The following MATCAP1 variants were observed in gnomAD, a reference collection of about 807,000 sequenced individuals.
The protein encoded by MATCAP1 is microtubule-associated tyrosine carboxypeptidase 1.
At chr16:67,175,763 G>GA in the MATCAP1 span, 1 of 152,244 alleles carries the variant, frequency 6.6e-6, no homozygotes, top group Admixed American at 6.5e-5. Context: ...TTACAGATGG[G>GA]AAAACTAAGG....
the MATCAP1 span, among the ~76,000 whole-genome samples, chr16:67,182,079 C>T: frequency 6.6e-5 from 10 of 152,166 alleles, no homozygotes; most frequent in Admixed American, 1.3e-4. Flanking sequence ...GGAGAAACCC[C>T]GTCTCTACTA....
the MATCAP1 span, chr16:67,180,456 G>T: frequency 1.9e-6 from 3 of 1,607,646 alleles, no homozygotes; most frequent in African/African-American, 4.0e-5. Context: ...TGGGGGGACT[G>T]CCAGAGCCAG....
the MATCAP1 span, chr16:67,180,337 G>A: frequency 6.8e-6 from 11 of 1,612,306 alleles, no homozygotes; most frequent in African/African-American, 2.7e-5. Context: ...CCACGCCCCC[G>A]CCGGCCAGTA....
At chr16:67,176,953 T>G in the MATCAP1 span, 1 of 1,584,510 alleles carries the variant, frequency 6.3e-7, no homozygotes, top group Non-Finnish European at 8.6e-7. The surrounding 1 kb of genome is among the most constrained non-coding windows in gnomAD (Gnocchi z 4.3). Flanking sequence ...GGGCCGCAGG[T>G]GGTCCACATC....
At chr16:67,178,085 C>T in the MATCAP1 span, 3 of 1,613,828 alleles carry the variant, frequency 1.9e-6, no homozygotes, top group African/African-American at 2.7e-5. Flanking sequence ...CGTCCAGGTA[C>T]ACCTGGTCCT....
At chr16:67,182,545 G>A in the MATCAP1 span, among the ~76,000 whole-genome samples, 1 of 152,234 alleles carries the variant, frequency 6.6e-6, no homozygotes, top group Non-Finnish European at 1.5e-5. Flanking sequence ...TATTTGCCCA[G>A]GCTGGTCTTG....
the MATCAP1 span, chr16:67,179,183 T>C: frequency 1.5e-6 from 2 of 1,324,260 alleles, no homozygotes; most frequent in African/African-American, 3.0e-5. This position sits in a 1 kb window ranked among gnomAD's most constrained non-coding sequence, Gnocchi z 5.2. Context: ...GGAGAGGAAG[T>C]GGAGAGAGAA....
chr16:67,182,797 A>G, the MATCAP1 span, among the ~76,000 whole-genome samples: 1 of 152,198 alleles, frequency 6.6e-6, no homozygotes, highest in Non-Finnish European at 1.5e-5. Flanking sequence ...CACACCCTCA[A>G]TAAAATAGTA....
chr16:67,181,403 GGGAAGCAGAA>G, the MATCAP1 span, among the ~76,000 whole-genome samples: 1 of 152,178 alleles, frequency 6.6e-6, no homozygotes, highest in Non-Finnish European at 1.5e-5. Context: ...ATCTGCTTTT[GGGAAGCAGAA>G]GGAAGCTTCA....
the MATCAP1 span, chr16:67,177,986 C>T: frequency 6.2e-7 from 1 of 1,601,822 alleles, no homozygotes; most frequent in South Asian, 1.1e-5. Context: ...TGGCTGGGAC[C>T]TCTGAAGGTC....
chr16:67,179,279 G>C, the MATCAP1 span: 3 of 1,488,208 alleles, frequency 2.0e-6, no homozygotes, highest in South Asian at 2.7e-5. This position sits in a 1 kb window ranked among gnomAD's most constrained non-coding sequence, Gnocchi z 5.2. Flanking sequence ...GCAGAGGGCG[G>C]GAGGTGGCTG....
the MATCAP1 span, chr16:67,178,315 G>A: frequency 1.9e-6 from 3 of 1,582,254 alleles, no homozygotes; most frequent in East Asian, 2.3e-5. Context: ...GGACATGCGC[G>A]CGGCGCGGTG....
chr16:67,182,700 A>C, the MATCAP1 span, among the ~76,000 whole-genome samples: 7 of 152,172 alleles, frequency 4.6e-5, 1 homozygote, highest in Admixed American at 1.3e-4. Flanking sequence ...TCTGTCTGGG[A>C]TGTTCCTCCC....
the MATCAP1 span, chr16:67,178,504 C>T: frequency 1.3e-6 from 2 of 1,523,792 alleles, no homozygotes; most frequent in East Asian, 2.5e-5. Flanking sequence ...GTAGTGGGTG[C>T]CTGCGGGGAA....
chr16:67,179,915 T>A, the MATCAP1 span: 3 of 1,614,220 alleles, frequency 1.9e-6, no homozygotes, highest in Non-Finnish European at 2.5e-6. This position sits in a 1 kb window ranked among gnomAD's most constrained non-coding sequence, Gnocchi z 5.2. Context: ...AAAGTGTTCA[T>A]AGGTTCCAAA....
At chr16:67,178,135 CG>C in the MATCAP1 span, 1 of 1,485,880 alleles carries the variant, frequency 6.7e-7, no homozygotes, top group Non-Finnish European at 9.1e-7. Flanking sequence ...CGGTGAGCCC[CG>C]CCCCTCGCCC....
the MATCAP1 span, chr16:67,180,798 C>T: frequency 2.3e-6 from 1 of 431,066 alleles, no homozygotes; most frequent in East Asian, 3.5e-5. Context: ...GTCTGATTGG[C>T]TGCAGCGTCC....
the MATCAP1 span, chr16:67,180,179 C>G: frequency 1.9e-6 from 3 of 1,614,212 alleles, no homozygotes; most frequent in Non-Finnish European, 2.5e-6. Flanking sequence ...TGTTGGTTGG[C>G]CGCAGGGCCA....
the MATCAP1 span, chr16:67,178,826 CAAG>C: frequency 1.6e-6 from 1 of 634,908 alleles, no homozygotes; most frequent in East Asian, 3.1e-5. Flanking sequence ...CTCCTGGGCA[CAAG>C]AATACATATA....
Sources: allele counts gnomAD v4.1 joint callset (sites outside exome capture counted in the v4.1 genomes callset), GRCh38; gene constraint gnomAD v4.1.1; non-coding constraint Gnocchi (gnomAD v3.1); transcripts MANE v1.5; gene names NCBI Gene and HGNC (gene_info 2026-07-23, HGNC 2026-07-21).